APPBP2: variants seen among roughly 807,000 people sequenced by gnomAD.
APPBP2 encodes the protein amyloid protein-binding protein 2.
In APPBP2, 15 loss-of-function variants were observed where a neutral mutation model predicts 76.0. That is an observed-to-expected ratio of 0.20 (90% CI 0.13 to 0.30). The LOEUF (loss-of-function observed/expected upper bound fraction) is 0.30. Ranked by LOEUF, APPBP2 falls within the 10% of genes least tolerant of loss-of-function variation. APPBP2 has a pLI of 1.00. For synonymous variants in APPBP2, 222 were observed against 242.2 expected (o/e 0.92, Z 0.77); for missense variants, 401 against 687.2 (o/e 0.58, Z 4.66).
chr17:60,517,331 C>T (rs2090971080), intron 1 of APPBP2, among the ~76,000 whole-genome samples: 1 of 152,140 alleles, frequency 6.6e-6, no homozygotes, highest in African/African-American at 2.4e-5. Flanking sequence ...AGTCCTTTGT[C>T]AGATACAGGT....
intron 1 of APPBP2, among the ~76,000 whole-genome samples, chr17:60,511,633 G>C (rs1441894040): frequency 6.7e-6 from 1 of 148,688 alleles, no homozygotes. Context: ...GTCTCTATAA[G>C]AAAACTCATT....
At chr17:60,449,383 G>T (rs888345280) in intron 12 of APPBP2, among the ~76,000 whole-genome samples, 41 of 152,214 alleles carry the variant, frequency 2.7e-4, no homozygotes, top group African/African-American at 8.0e-4. Context: ...CCTGAGGTCA[G>T]AAGTTCGAGA....
At chr17:60,472,352 G>A (rs571499016) in intron 4 of APPBP2, among the ~76,000 whole-genome samples, 4 of 152,214 alleles carry the variant, frequency 2.6e-5, no homozygotes, top group East Asian at 1.9e-4. Flanking sequence ...TATAGGTCTC[G>A]TAAGATTTTC....
At chr17:60,448,122 A>C (rs540248804) in intron 12 of APPBP2, among the ~76,000 whole-genome samples, 15 of 152,350 alleles carry the variant, frequency 9.8e-5, no homozygotes, top group African/African-American at 3.6e-4. Flanking sequence ...TCAAAGAAGA[A>C]TGGCAGCATC....
chr17:60,488,481 G>A (rs1407925541), intron 3 of APPBP2, among the ~76,000 whole-genome samples: 2 of 152,216 alleles, frequency 1.3e-5, no homozygotes, highest in African/African-American at 4.8e-5. Context: ...GAGACAGAAA[G>A]TAGATGATGT....
chr17:60,480,763 G>A (rs1162035642), intron 3 of APPBP2, among the ~76,000 whole-genome samples: 1 of 152,146 alleles, frequency 6.6e-6, no homozygotes, highest in East Asian at 1.9e-4. Context: ...AGGATGCTGA[G>A]CAAGGACTCT....
chr17:60,490,340 C>G (rs1248797183), intron 3 of APPBP2, among the ~76,000 whole-genome samples: 1 of 152,080 alleles, frequency 6.6e-6, no homozygotes, highest in Non-Finnish European at 1.5e-5. Flanking sequence ...TCTGGGTACT[C>G]TTTTGCAACT....
chr17:60,490,206 A>T (rs2090715955), intron 3 of APPBP2, among the ~76,000 whole-genome samples: 1 of 152,134 alleles, frequency 6.6e-6, no homozygotes, highest in African/African-American at 2.4e-5. Flanking sequence ...ACTGGTGAAA[A>T]CTAAGTAAGG....
intron 1 of APPBP2, among the ~76,000 whole-genome samples, chr17:60,524,476 A>T (rs1026101108): frequency 6.6e-6 from 1 of 152,196 alleles, no homozygotes; most frequent in Non-Finnish European, 1.5e-5. Flanking sequence ...CTTTTTCTCG[A>T]AATCCAAAAT....
At chr17:60,524,276 A>AT (rs2143515004) in intron 1 of APPBP2, among the ~76,000 whole-genome samples, 1 of 152,346 alleles carries the variant, frequency 6.6e-6, no homozygotes, top group East Asian at 1.9e-4. Flanking sequence ...GAGAGATTAC[A>AT]TATGAGGTAC....
At position 60,470,423 on chromosome 17, in the gene APPBP2, C is replaced by T; in HGVS notation, c.504-3964G>A. The stretch of plus-strand genomic sequence containing the variant: ...GACAGGCCAGTGCCACCACACCTGG[C>T]TGATTTTTAAAAAAATTATTTTAAT... On this transcript the variant is annotated intron_variant, in intron 4 of 12. Transcript: ENST00000083182. 1.3e-5 allele frequency among the ~76,000 whole-genome samples: 2 copies of T among 152,044 alleles called. 1 individual carries two copies. The highest frequency in any genetic ancestry group is 3.9e-4 in the East Asian group (2 of 5,190).
intron 3 of APPBP2, among the ~76,000 whole-genome samples, chr17:60,479,560 A>G (rs796219106): frequency 4.6e-5 from 7 of 152,258 alleles, no homozygotes; most frequent in African/African-American, 1.7e-4. Context: ...TAACTAAATT[A>G]TTTTACTATT....
intron 1 of APPBP2, among the ~76,000 whole-genome samples, chr17:60,518,953 T>C (rs1297227654): frequency 6.6e-6 from 1 of 152,224 alleles, no homozygotes; most frequent in Admixed American, 6.5e-5. Context: ...AAATTATTTT[T>C]ACATTACCTT....
At chr17:60,500,114 C>T (rs1352753827) in intron 2 of APPBP2, among the ~76,000 whole-genome samples, 4 of 151,844 alleles carry the variant, frequency 2.6e-5, no homozygotes, top group East Asian at 1.9e-4. Context: ...CAGGTTCACG[C>T]CATTTTCCTG....
intron 4 of APPBP2, chr17:60,477,600 G>A (rs1346877573): frequency 6.6e-6 from 1 of 151,976 alleles, no homozygotes; most frequent in Non-Finnish European, 1.5e-5. Flanking sequence ...AATCCTTTTA[G>A]AGTTTCTGCA....
chr17:60,502,603 C>T (rs548521590), intron 1 of APPBP2, among the ~76,000 whole-genome samples: 3 of 140,828 alleles, frequency 2.1e-5, no homozygotes, highest in Admixed American at 6.8e-5. Context: ...CCTGTAATCC[C>T]AGCACTTTGG....
chr17:60,501,501 A>C (rs2090823238), intron 1 of APPBP2, among the ~76,000 whole-genome samples: 1 of 152,024 alleles, frequency 6.6e-6, no homozygotes, highest in Non-Finnish European at 1.5e-5. Context: ...GGTTCAAGCA[A>C]TCCTCCCACC....
chr17:60,515,777 A>C (rs1435675575), intron 1 of APPBP2, among the ~76,000 whole-genome samples: 2 of 152,232 alleles, frequency 1.3e-5, no homozygotes, highest in African/African-American at 4.8e-5. Context: ...CAACTACTAG[A>C]CTGGTATACT....
At chr17:60,516,063 A>G (rs73330231) in intron 1 of APPBP2, among the ~76,000 whole-genome samples, 12,504 of 152,142 alleles carry the variant, frequency 0.082, 1,700 homozygotes, top group African/African-American at 0.28. Context: ...CTACTGGGGA[A>G]GCTGAGGCAG....
Sources: gnomAD v4.1 joint callset for allele counts (sites outside exome capture counted in the v4.1 genomes callset) on GRCh38, gnomAD v4.1.1 for gene constraint, MANE v1.5 for transcripts, NCBI Gene and HGNC (gene_info 2026-07-23, HGNC 2026-07-21) for gene names.